Variants in PPARD observed in about 807,000 individuals in gnomAD.
The protein encoded by PPARD is peroxisome proliferator-activated receptor delta.
A neutral mutation model predicts 39.5 loss-of-function variants in PPARD; 6 were observed. That is an observed-to-expected ratio of 0.15 (90% CI 0.08 to 0.30). The LOEUF is 0.30. PPARD is among the 10% of genes least tolerant of loss of function. The probability of loss-of-function intolerance (pLI) is 1.00; values close to 1 mark genes in which losing one functional copy is unlikely to be tolerated. For missense variants in PPARD, 397 were observed against 596.8 expected (o/e 0.67, Z 3.49); for synonymous variants, 210 against 231.3 (o/e 0.91, Z 0.83).
chr6:35,409,718 C>A (rs1765298150), intron 2 of PPARD, among the ~76,000 whole-genome samples: 1 of 152,120 alleles, frequency 6.6e-6, no homozygotes, highest in Non-Finnish European at 1.5e-5. Flanking sequence ...CCAGCCTCCA[C>A]CCTCAAGTAG....
At chr6:35,371,546 C>T (rs1446143729) in intron 2 of PPARD, among the ~76,000 whole-genome samples, 9 of 152,052 alleles carry the variant, frequency 5.9e-5, no homozygotes, top group Admixed American at 5.9e-4. Context: ...GTTAATAATC[C>T]GTCATTCTCT....
intron 3 of PPARD, among the ~76,000 whole-genome samples, chr6:35,419,842 G>A (rs766050436): frequency 2.0e-5 from 3 of 152,172 alleles, no homozygotes; most frequent in Non-Finnish European, 2.9e-5. Context: ...GGTGAGTTCA[G>A]CCCAGGAAGC....
intron 2 of PPARD, among the ~76,000 whole-genome samples, chr6:35,394,257 G>A (rs1041515488): frequency 1.6e-4 from 25 of 152,088 alleles, no homozygotes; most frequent in African/African-American, 5.8e-4. Flanking sequence ...TGTTTTCTTC[G>A]GCTGTATGTC....
chr6:35,403,462 C>G (rs1764829206), intron 2 of PPARD, among the ~76,000 whole-genome samples: 1 of 151,720 alleles, frequency 6.6e-6, no homozygotes, highest in African/African-American at 2.4e-5. Flanking sequence ...AGTATTGCAT[C>G]TCGATGGCAG....
At chr6:35,365,129 T>TC (rs2150512046) in intron 2 of PPARD, among the ~76,000 whole-genome samples, 1 of 135,916 alleles carries the variant, frequency 7.4e-6, no homozygotes, top group African/African-American at 3.5e-5. Context: ...GCTTCCTTAT[T>TC]CTTTTTTTTT....
At position 35,424,793 on chromosome 6, in the gene PPARD, G is replaced by A; in HGVS notation, c.1078+14G>A. 2 of 1,609,452 alleles carry A rather than the reference G, an allele frequency of 1.2e-6. No homozygotes were observed. Among genetic ancestry groups the A allele is most frequent in the Non-Finnish European group, 1.7e-6 (2 of 1,176,798 alleles). ...TTCTGTGTGGAGGTGAGTGAGAGTG[G>A]GGCAGGTGGGCTGGCCTGGCACACC... On this transcript the variant is annotated intron_variant, in intron 7 of 7. Coordinates refer to ENST00000360694, the MANE Select transcript of PPARD (RefSeq NM_006238.5). The surrounding 1 kb of genome is among the most constrained non-coding windows in gnomAD (Gnocchi z 7.1).
At chr6:35,380,604 T>G (rs2150584585) in intron 2 of PPARD, among the ~76,000 whole-genome samples, 1 of 148,462 alleles carries the variant, frequency 6.7e-6, no homozygotes, top group South Asian at 2.3e-4. Context: ...GGCTCCTCCC[T>G]GCTCAGCCTC....
intron 2 of PPARD, among the ~76,000 whole-genome samples, chr6:35,365,162 T>C (rs1762142217): frequency 7.6e-6 from 1 of 131,350 alleles, no homozygotes; most frequent in Non-Finnish European, 1.6e-5. Context: ...AGATGGAGTC[T>C]CGCTCTGTCA....
chr6:35,352,516 T>C (rs970670137), intron 2 of PPARD, among the ~76,000 whole-genome samples: 4 of 152,118 alleles, frequency 2.6e-5, no homozygotes, highest in Non-Finnish European at 5.9e-5. Context: ...ATATCAAAGG[T>C]GGAGATTTTA....
chr6:35,387,332 C>G (rs1318774252), intron 2 of PPARD, among the ~76,000 whole-genome samples: 1 of 152,204 alleles, frequency 6.6e-6, no homozygotes, highest in Admixed American at 6.5e-5. Context: ...GGTTTACCCT[C>G]AGGATGAACT....
chr6:35,364,443 T>C (rs989121007), intron 2 of PPARD, among the ~76,000 whole-genome samples: 1 of 149,984 alleles, frequency 6.7e-6, no homozygotes, highest in Non-Finnish European at 1.5e-5. Context: ...TTTTTTTTTT[T>C]TTTTTTTTGA....
intron 2 of PPARD, among the ~76,000 whole-genome samples, chr6:35,403,848 C>T (rs773191556): frequency 1.6e-4 from 24 of 152,216 alleles, no homozygotes; most frequent in Non-Finnish European, 3.2e-4. Flanking sequence ...GCATTCAAGG[C>T]AGGTGCCAGT....
rs1762057420 is a variant in PPARD at position 35,363,982 on chromosome 6, G to A, written c.-102+16832G>A. Among the ~76,000 whole-genome samples, 2 of 150,454 alleles carry A rather than the reference G, an allele frequency of 1.3e-5. No individual in the cohort carries two copies. The highest frequency in any genetic ancestry group is 4.2e-4 in the South Asian group (2 of 4,772). On this transcript the variant is annotated intron_variant, in intron 2 of 7. Transcript: ENST00000360694. The surrounding 1 kb of genome is among the most constrained non-coding windows in gnomAD (Gnocchi z 4.5). ...TTTTATATATTATTTTAGCTGTGTT[G>A]TTTATATATTATATTAACTGTGTTC...
intron 2 of PPARD, among the ~76,000 whole-genome samples, chr6:35,349,668 T>G (rs1761116226): frequency 6.6e-6 from 1 of 150,630 alleles, no homozygotes; most frequent in Non-Finnish European, 1.5e-5. Flanking sequence ...CTGGCTAAGT[T>G]TTTTTTTTGT....
chr6:35,406,040 C>T (rs1205545232), intron 2 of PPARD, among the ~76,000 whole-genome samples: 1 of 152,124 alleles, frequency 6.6e-6, no homozygotes, highest in East Asian at 1.9e-4. Flanking sequence ...GATTCTCGTG[C>T]CTCAGCCTCC....
chr6:35,405,026 G>A (rs1332111343), intron 2 of PPARD, among the ~76,000 whole-genome samples: 1 of 149,994 alleles, frequency 6.7e-6, no homozygotes, highest in Non-Finnish European at 1.5e-5. Flanking sequence ...TGTCAGAATT[G>A]GAATAGTCCA....
At chr6:35,422,958 C>T (rs1164758479) in intron 5 of PPARD, among the ~76,000 whole-genome samples, 2 of 144,220 alleles carry the variant, frequency 1.4e-5, no homozygotes, top group African/African-American at 5.2e-5. Context: ...TGGCTCACAC[C>T]TGTAATCCCA....
rs373132809 is a variant in PPARD, at chr6:35,371,164, C to T, written c.-102+24014C>T. ...TACTTCAGCGGTTGCCAAGTGCCTACTCTATGCCTAGTACCTTGTTAGACT... is the reference window on the plus strand; with the variant it reads ...TACTTCAGCGGTTGCCAAGTGCCTATTCTATGCCTAGTACCTTGTTAGACT... On this transcript the variant is annotated intron_variant, in intron 2 of 7. Transcript: ENST00000360694. Among the ~76,000 whole-genome samples, 14 of 152,308 alleles carry T rather than the reference C, an allele frequency of 9.2e-5. No homozygotes were observed. In the East Asian group the frequency reaches 2.3e-3, roughly 25 times the overall value.
chr6:35,358,035 C>T (rs1384464046), intron 2 of PPARD, among the ~76,000 whole-genome samples: 1 of 152,104 alleles, frequency 6.6e-6, no homozygotes, highest in Non-Finnish European at 1.5e-5. Flanking sequence ...ACCCCTGTAA[C>T]CTGTGAATAT....
Sources: gnomAD v4.1 joint callset for allele counts (sites outside exome capture counted in the v4.1 genomes callset) on GRCh38, gnomAD v4.1.1 for gene constraint, Gnocchi (gnomAD v3.1) non-coding constraint, MANE v1.5 for transcripts, NCBI Gene and HGNC (gene_info 2026-07-23, HGNC 2026-07-21) for gene names.